The following KALRN variants were observed in gnomAD, a reference collection of about 807,000 sequenced individuals.
KALRN encodes the protein kalirin RhoGEF kinase, also known as kalirin.
A neutral mutation model predicts 353.7 loss-of-function variants in KALRN; 70 were observed. The observed-to-expected ratio is 0.20, with a 90% CI of 0.16 to 0.24. The LOEUF is 0.24. KALRN is among the 10% of genes least tolerant of loss of function. The pLI, the probability that KALRN is intolerant of heterozygous loss-of-function variation, is 1.00. For missense variants in KALRN, 2,791 were observed against 3,756.7 expected, an observed-to-expected ratio of 0.74 and a Z score of 6.72; for synonymous variants, 1,391 against 1,434.8, an observed-to-expected ratio of 0.97 and a Z score of 0.69.
chr3:124,611,323 A>G (rs2077942494), intron 34 of KALRN, among the ~76,000 whole-genome samples: 1 of 152,222 alleles, frequency 6.6e-6, no homozygotes. Context: ...AGACCATAGC[A>G]GAAAGAATTA....
rs1391813577 is a variant in KALRN at position 124,526,315 on chromosome 3, A to C, written c.4935+29902A>C. 2.0e-5 allele frequency among the ~76,000 whole-genome samples: 3 copies of C among 152,156 alleles called. No homozygotes were observed. In the South Asian group the frequency reaches 6.2e-4, roughly 32 times the overall value. ...GGAGCCAGGTGGGTGGCACATGCCT[A>C]TAATCCTAGCACTTTGGGAGGCTGA... On this transcript the variant is annotated intron_variant, in intron 33 of 59. Coordinates refer to ENST00000682506, the MANE Select transcript of KALRN (RefSeq NM_001388419.1).
At chr3:124,673,659 G>A (rs562955391) in intron 48 of KALRN, among the ~76,000 whole-genome samples, 1 of 150,330 alleles carries the variant, frequency 6.7e-6, no homozygotes, top group African/African-American at 2.5e-5. Context: ...AAGAATTTCT[G>A]GCTCTTACCA....
In KALRN at chr3:124,564,259, T is replaced by C. The variant is rs535597196; in HGVS notation, c.5182+1170T>C. ...AGCTGGGCAAGGTGGTGTTCACTTG[T>C]AGTTCCAACTACTCAGGGCATGGTG... On this transcript the variant is annotated intron_variant, in intron 34 of 59. Coordinates refer to ENST00000682506, the MANE Select transcript of KALRN (RefSeq NM_001388419.1). 5.3e-5 allele frequency among the ~76,000 whole-genome samples: 8 copies of C among 150,328 alleles called. No individual in the cohort carries two copies. The East Asian group carries it at 1.6e-3, about 29-fold the overall frequency.
chr3:124,479,886 G>A (rs2061809034), intron 27 of KALRN, among the ~76,000 whole-genome samples: 1 of 151,982 alleles, frequency 6.6e-6, no homozygotes, highest in Admixed American at 6.6e-5. Flanking sequence ...ACCACGCCTG[G>A]CTAATTTTTT....
intron 1 of KALRN, among the ~76,000 whole-genome samples, chr3:124,150,280 T>C (rs906545581): frequency 1.3e-5 from 2 of 152,244 alleles, no homozygotes; most frequent in African/African-American, 4.8e-5. Flanking sequence ...TGTGTATTTG[T>C]TCAACAAATA....
In KALRN at chr3:124,723,705, G is replaced by A. The variant is rs1441229313; in HGVS notation, c.*4235G>A. On this transcript the variant is annotated 3_prime_UTR_variant, in exon 60 of 60. Transcript: ENST00000682506. ...TCGATCATTTAAGAGCTTGTCTACC[G>A]AAAAGGGTTAGGAGAGCTGATGAAG... The A allele has an allele frequency of 1.3e-5, 2 of 152,174 alleles. No homozygotes were observed. Among genetic ancestry groups the A allele is most frequent in the East Asian group, 3.8e-4 (2 of 5,200 alleles). 9.4% of individuals were successfully genotyped at this position (152,174 alleles called of 1,614,324 possible). A position where few individuals can be genotyped will look rare whatever the true frequency, so the allele number is the denominator to read the frequency against.
chr3:124,410,734 C>T (rs947776054), intron 13 of KALRN, among the ~76,000 whole-genome samples: 3 of 152,270 alleles, frequency 2.0e-5, no homozygotes, highest in Non-Finnish European at 1.5e-5. Context: ...AACTTGAATA[C>T]GTTGCTCCTG....
At chr3:124,701,046 C>G (rs1286709571) in intron 56 of KALRN, among the ~76,000 whole-genome samples, 4 of 152,218 alleles carry the variant, frequency 2.6e-5, no homozygotes, top group African/African-American at 4.8e-5. Flanking sequence ...GGAACTGGCT[C>G]CAGGGTCAGC....
intron 33 of KALRN, among the ~76,000 whole-genome samples, chr3:124,513,845 C>G (rs984731003): frequency 1.3e-5 from 2 of 152,248 alleles, no homozygotes; most frequent in Admixed American, 6.5e-5. Context: ...GCACCACCTA[C>G]GAGGCCTTCC....
chr3:124,392,059 T>C (rs1334763278), intron 11 of KALRN, among the ~76,000 whole-genome samples: 1 of 149,062 alleles, frequency 6.7e-6, no homozygotes, highest in African/African-American at 2.5e-5. Flanking sequence ...TTCCTTTTTC[T>C]TTTTTTTTTG....
chr3:124,656,983 G>C (rs1165452588), intron 39 of KALRN, among the ~76,000 whole-genome samples: 5 of 152,120 alleles, frequency 3.3e-5, no homozygotes, highest in Non-Finnish European at 5.9e-5. Context: ...CCAACACCCA[G>C]GTGCCTGGGT....
intron 10 of KALRN, among the ~76,000 whole-genome samples, chr3:124,379,486 C>G (rs2087029050): frequency 6.6e-6 from 1 of 152,034 alleles, no homozygotes; most frequent in Non-Finnish European, 1.5e-5. Context: ...TATTCTTAAG[C>G]TTTATTCTGA....
At chr3:124,511,432 G>A (rs1303153430) in intron 33 of KALRN, among the ~76,000 whole-genome samples, 2 of 152,048 alleles carry the variant, frequency 1.3e-5, no homozygotes, top group Admixed American at 6.6e-5. Context: ...TGTAGACATC[G>A]TGGCCCTCCT....
In KALRN at chr3:124,660,034, C is replaced by T. The variant is rs372597127; in HGVS notation, c.6216+577C>T. 9.9e-5 allele frequency among the ~76,000 whole-genome samples: 15 copies of T among 151,876 alleles called. No homozygotes were observed. The East Asian group carries it at 2.3e-3, about 24-fold the overall frequency. The stretch of plus-strand genomic sequence containing the variant: ...GCAGCCTCAAATGCCTGAGCTCAAG[C>T]GATTCTCCCTTCTCAGCCTCCCAAG... On this transcript the variant is annotated intron_variant, in intron 43 of 59. Coordinates refer to ENST00000682506, the MANE Select transcript of KALRN (RefSeq NM_001388419.1).
intron 34 of KALRN, among the ~76,000 whole-genome samples, chr3:124,575,181 C>T (rs142903722): frequency 7.2e-5 from 11 of 152,348 alleles, no homozygotes; most frequent in Non-Finnish European, 1.5e-4. Flanking sequence ...GTTTTCTCCC[C>T]GTATCCACTA....
At chr3:124,670,147 T>G (rs2086218984) in intron 47 of KALRN, among the ~76,000 whole-genome samples, 1 of 152,132 alleles carries the variant, frequency 6.6e-6, no homozygotes, top group Admixed American at 6.5e-5. Context: ...ACAGAAATGC[T>G]AATTTTTGTA....
chr3:124,365,261 CT>C (rs764378219), intron 10 of KALRN, among the ~76,000 whole-genome samples: 5 of 152,130 alleles, frequency 3.3e-5, no homozygotes, highest in Non-Finnish European at 7.3e-5. Flanking sequence ...TAATTCACCC[CT>C]TTAAAAATGA....
At position 124,717,390 on chromosome 3, in the gene KALRN, TAAG is replaced by T; in HGVS notation, c.8415+9_8415+11del. The T allele has an allele frequency of 6.3e-7, 1 of 1,588,530 alleles. No homozygotes were observed. The highest frequency in any genetic ancestry group is 8.6e-7 in the Non-Finnish European group (1 of 1,167,160). On this transcript the variant is annotated splice_donor_region_variant and intron_variant, in intron 59 of 59. Coordinates refer to ENST00000682506, the MANE Select transcript of KALRN (RefSeq NM_001388419.1). ...GTTGCACATTTGGACATAAAGGTAA[TAAG>T]AAGTGGCAACCTGCTGGGCGCAGTG...
At chr3:124,556,573 C>T (rs1218305051) in intron 33 of KALRN, among the ~76,000 whole-genome samples, 1 of 152,170 alleles carries the variant, frequency 6.6e-6, no homozygotes, top group African/African-American at 2.4e-5. Context: ...TTGGGGCTTT[C>T]CTGAAGCTTC....
Sources: allele counts gnomAD v4.1 joint callset (sites outside exome capture counted in the v4.1 genomes callset), GRCh38; gene constraint gnomAD v4.1.1; transcripts MANE v1.5; gene names NCBI Gene and HGNC (gene_info 2026-07-23, HGNC 2026-07-21).